The following PTPRQ variants were observed in gnomAD, a reference collection of about 807,000 sequenced individuals.
PTPRQ encodes protein tyrosine phosphatase receptor type Q.
Under a neutral mutation model 246.0 loss-of-function variants are expected in PTPRQ, and 199 were observed. That is an observed-to-expected ratio of 0.81 (90% CI 0.72 to 0.91). The LOEUF is 0.91. PTPRQ is among the 40% of genes least tolerant of loss of function. PTPRQ has a pLI of 0.00. For synonymous variants in PTPRQ, 869 were observed against 853.2 expected, an observed-to-expected ratio of 1.02 and a Z score of -0.32; for missense variants, 2,624 against 2,528.4, an observed-to-expected ratio of 1.04 and a Z score of -0.81.
intron 25 of PTPRQ, among the ~76,000 whole-genome samples, chr12:80,562,798 CAG>C (rs1199891231): frequency 1.3e-5 from 2 of 151,588 alleles, no homozygotes; most frequent in African/African-American, 4.8e-5. Context: ...AAATTGAAAA[CAG>C]AAAAACAGTA....
chr12:80,597,605 T>C (rs1049243813), intron 26 of PTPRQ, among the ~76,000 whole-genome samples: 2 of 152,002 alleles, frequency 1.3e-5, no homozygotes, highest in Non-Finnish European at 2.9e-5. Flanking sequence ...AATCCCCTTT[T>C]CCAATCCACT....
intron 25 of PTPRQ, among the ~76,000 whole-genome samples, chr12:80,563,962 C>CTT (rs896589017): frequency 6.8e-6 from 1 of 147,018 alleles, no homozygotes; most frequent in African/African-American, 2.5e-5. Flanking sequence ...TCTTTCTGTG[C>CTT]TTTTTTTTTT....
intron 8 of PTPRQ, among the ~76,000 whole-genome samples, chr12:80,475,300 G>C (rs924058611): frequency 6.6e-6 from 1 of 152,080 alleles, no homozygotes; most frequent in Admixed American, 6.5e-5. Flanking sequence ...CCATTATCTA[G>C]AAAATTCATC....
chr12:80,557,950 A>G (rs1023666070), intron 25 of PTPRQ, among the ~76,000 whole-genome samples: 2 of 152,072 alleles, frequency 1.3e-5, no homozygotes, highest in East Asian at 1.9e-4. Flanking sequence ...ACAATGTTAT[A>G]TAAGTGGAAT....
At chr12:80,596,087 T>C (rs1430008418) in intron 26 of PTPRQ, among the ~76,000 whole-genome samples, 1 of 152,006 alleles carries the variant, frequency 6.6e-6, no homozygotes, top group African/African-American at 2.4e-5. Context: ...TAAGTATGTA[T>C]AGTGAGACAG....
At chr12:80,464,115 A>G (rs1218078212) in intron 6 of PTPRQ, among the ~76,000 whole-genome samples, 1 of 151,912 alleles carries the variant, frequency 6.6e-6, no homozygotes, top group African/African-American at 2.4e-5. Flanking sequence ...TGTTGTATTC[A>G]GGAAACCCAT....
At chr12:80,518,129 A>G (rs1403711880) in intron 17 of PTPRQ, among the ~76,000 whole-genome samples, 1 of 152,052 alleles carries the variant, frequency 6.6e-6, no homozygotes, top group Non-Finnish European at 1.5e-5. Context: ...TTTTCTTCAC[A>G]TTCTCTCCAA....
rs1045674664 is a variant in PTPRQ at position 80,634,779 on chromosome 12, A to G, written c.5787-166A>G. 4.0e-6 allele frequency: 4 copies of G among 1,004,876 alleles called. No individual in the cohort carries two copies. In the African/African-American group the frequency reaches 6.7e-5, roughly 17 times the overall value. The allele number at this position is 1,004,876 out of a possible 1,614,324, so 62.2% of individuals were successfully genotyped here. On this transcript the variant is annotated intron_variant, in intron 34 of 44. Transcript: ENST00000644991. ...AGTAGAATAGGTTCTATGGAATTAAAACAAGAAAAAGAAGTCGAGTAGCTA... is the reference window on the plus strand; with the variant it reads ...AGTAGAATAGGTTCTATGGAATTAAGACAAGAAAAAGAAGTCGAGTAGCTA...
intron 17 of PTPRQ, among the ~76,000 whole-genome samples, chr12:80,513,291 C>T (rs1293282011): frequency 6.6e-6 from 1 of 152,050 alleles, no homozygotes. Context: ...ATGGTTTTCC[C>T]CTGGAGTCGG....
At chr12:80,478,840 G>T (rs1219207090) in intron 8 of PTPRQ, among the ~76,000 whole-genome samples, 6 of 152,178 alleles carry the variant, frequency 3.9e-5, no homozygotes, top group Non-Finnish European at 8.8e-5. Flanking sequence ...TGAATAAAAA[G>T]AAATGAGCAA....
chr12:80,593,164 ACTC>A (rs1897859396), intron 26 of PTPRQ, among the ~76,000 whole-genome samples: 1 of 152,220 alleles, frequency 6.6e-6, no homozygotes, highest in Non-Finnish European at 1.5e-5. Flanking sequence ...ATAAAGTTGT[ACTC>A]AAGCACTTAC....
intron 17 of PTPRQ, among the ~76,000 whole-genome samples, chr12:80,520,535 G>A (rs1335571227): frequency 6.6e-5 from 7 of 106,150 alleles, no homozygotes; most frequent in African/African-American, 1.9e-4. Flanking sequence ...AACAGGCCCC[G>A]GTGTGTGATG....
At position 80,616,124 on chromosome 12, in the gene PTPRQ, C is replaced by T. The variant is rs1592720436; in HGVS notation, c.5164-76C>T. 1.4e-5 allele frequency: 13 copies of T among 929,034 alleles called. No homozygotes were observed. The East Asian group carries it at 5.0e-4, about 36-fold the overall frequency. The allele number at this position is 929,034 out of a possible 1,614,324, so 57.5% of individuals were successfully genotyped here. On this transcript the variant is annotated intron_variant, in intron 29 of 44. Transcript: ENST00000644991. Reference sequence around the variant, plus strand: ...ATATATATACATACATATATAGATACATGCATATATATATATATACACACA... The same window carrying T: ...ATATATATACATACATATATAGATATATGCATATATATATATATACACACA...
At chr12:80,530,779 G>A (rs1297198090) in intron 17 of PTPRQ, among the ~76,000 whole-genome samples, 3 of 152,108 alleles carry the variant, frequency 2.0e-5, no homozygotes, top group African/African-American at 7.2e-5. Flanking sequence ...TCACACATTG[G>A]TGGTATGATT....
chr12:80,539,938 CA>C lies in PTPRQ; in HGVS notation c.3150del (p.Asp1051ThrfsTer10). On this transcript the variant is annotated frameshift_variant, in exon 20 of 45. Coordinates refer to ENST00000644991, the MANE Select transcript of PTPRQ (RefSeq NM_001145026.2). LOFTEE classifies it high-confidence loss of function. ...SSDIIEVYTDQDIPEGFVGNL... is the reference protein window; with the variant it reads ...SSDIIEVYTDXDIPEGFVGNL... ...TGACATCATTGAAGTATACACAGAT[CA>C]AGACAGTATGTAAACAAAAAACACT... 1 of 1,514,544 alleles carries C rather than the reference CA, an allele frequency of 6.6e-7. No homozygotes were observed. The highest frequency in any genetic ancestry group is 8.8e-7 in the Non-Finnish European group (1 of 1,132,028). The allele number at this position is 1,514,544 out of a possible 1,614,324, so 93.8% of individuals were successfully genotyped here. A position where few individuals can be genotyped will look rare whatever the true frequency, so the allele number is the denominator to read the frequency against.
intron 3 of PTPRQ, chr12:80,454,540 T>C (rs1364594955): frequency 4.3e-6 from 3 of 702,492 alleles, no homozygotes; most frequent in Middle Eastern, 4.6e-4. Context: ...ATCCTACTTT[T>C]GTTGCATTTC....
At chr12:80,576,785 A>T (rs745776722) in intron 25 of PTPRQ, among the ~76,000 whole-genome samples, 6 of 152,148 alleles carry the variant, frequency 3.9e-5, no homozygotes, top group Non-Finnish European at 7.3e-5. Flanking sequence ...TTACTTATAG[A>T]TACAGGAATT....
chr12:80,591,378 C>CGT (rs1555202807), intron 26 of PTPRQ, among the ~76,000 whole-genome samples: 1 of 152,108 alleles, frequency 6.6e-6, no homozygotes, highest in Non-Finnish European at 1.5e-5. Context: ...ATCCTCCTGC[C>CGT]GTGGCCTCCC....
At chr12:80,678,874 A>G in intron 44 of PTPRQ, 112 bp from the exon 45 acceptor site, 1 of 1,438,012 alleles carries the variant, frequency 7.0e-7, no homozygotes, top group African/African-American at 1.4e-5. Flanking sequence ...TCTCTAATCC[A>G]AGTTGGGCTA....
Sources: gnomAD v4.1 joint callset for allele counts (sites outside exome capture counted in the v4.1 genomes callset) on GRCh38, gnomAD v4.1.1 for gene constraint, MANE v1.5 for transcripts, NCBI Gene and HGNC (gene_info 2026-07-23, HGNC 2026-07-21) for gene names.